The following ENOX2 variants were observed in gnomAD, a reference collection of about 807,000 sequenced individuals.
ENOX2 encodes the protein ecto-NOX disulfide-thiol exchanger 2.
In ENOX2, 36 loss-of-function variants were observed where a neutral mutation model predicts 45.0. The observed-to-expected ratio is 0.80, with a 90% confidence interval of 0.61 to 1.06. The LOEUF (loss-of-function observed/expected upper bound fraction) is 1.06, where lower values mean the gene tolerates loss of function less well. Among genes scored for constraint, ENOX2 ranks in the 50% least tolerant of loss-of-function variants. The pLI is 0.00. For synonymous variants in ENOX2, 174 were observed against 152.3 expected (o/e 1.14, Z -1.05); for missense variants, 423 against 462.5 (o/e 0.91, Z 0.78).
intron 3 of ENOX2, among the ~76,000 whole-genome samples, chrX:130,781,515 A>G (rs1394256554): frequency 8.9e-6 from 1 of 112,233 alleles, no homozygotes; most frequent in Non-Finnish European, 1.9e-5. Flanking sequence ...CACAATTCAG[A>G]TTAATACATA....
At chrX:130,743,396 G>A (rs1431613930) in intron 3 of ENOX2, among the ~76,000 whole-genome samples, 1 of 111,601 alleles carries the variant, frequency 9.0e-6, no homozygotes, top group Non-Finnish European at 1.9e-5. Context: ...GTTGTGATGG[G>A]CAAATAACAA....
At position 130,624,219 on chromosome X, in the gene ENOX2, C is replaced by T. The variant is rs2035487069; in HGVS notation, c.*1095G>A. ...ATTGCGATTTGCCGATGGGCACTAC[C>T]AAGGTGTCTCTGGCAATTCGCACTC... On this transcript the variant is annotated 3_prime_UTR_variant, in exon 15 of 15. Transcript: ENST00000394363. 2 of 112,141 alleles carry T rather than the reference C, an allele frequency of 1.8e-5. No homozygotes were observed. The highest frequency in any genetic ancestry group is 1.9e-5 in the Non-Finnish European group (1 of 53,286). The allele number at this position is 112,141 out of a possible 1,213,427, so 9.2% of individuals were successfully genotyped here. A position where few individuals can be genotyped will look rare whatever the true frequency, so the allele number is the denominator to read the frequency against.
intron 2 of ENOX2, among the ~76,000 whole-genome samples, chrX:130,810,070 C>T (rs755163045): frequency 2.4e-4 from 27 of 110,604 alleles, no homozygotes; most frequent in Non-Finnish European, 4.7e-4. Context: ...TTTTATACTA[C>T]CCACGTCAAT....
intron 3 of ENOX2, among the ~76,000 whole-genome samples, chrX:130,751,731 C>T (rs919480601): frequency 7.1e-5 from 8 of 112,224 alleles, no homozygotes; most frequent in Admixed American, 6.6e-4. Flanking sequence ...TTGATATTTT[C>T]TGTCTTTTAG....
chrX:130,795,972 CTAATA>C (rs1182777449), intron 2 of ENOX2, among the ~76,000 whole-genome samples: 1 of 109,867 alleles, frequency 9.1e-6, no homozygotes, highest in Non-Finnish European at 1.9e-5. Context: ...AGAGTTCATT[CTAATA>C]TGTGTGTGTG....
chrX:130,838,553 T>C (rs906565268), intron 2 of ENOX2, among the ~76,000 whole-genome samples: 1 of 111,962 alleles, frequency 8.9e-6, no homozygotes, highest in Non-Finnish European at 1.9e-5. Flanking sequence ...TTTTTTCTTT[T>C]CTAGACACTA....
intron 2 of ENOX2, among the ~76,000 whole-genome samples, chrX:130,836,820 A>G (rs2077935156): frequency 8.9e-6 from 1 of 112,118 alleles, no homozygotes; most frequent in African/African-American, 3.2e-5. Context: ...AAGAAAGGCA[A>G]AGAAAGGCTG....
At chrX:130,647,493 G>T (rs1373275953) in intron 10 of ENOX2, among the ~76,000 whole-genome samples, 1 of 111,452 alleles carries the variant, frequency 9.0e-6, no homozygotes, top group East Asian at 2.8e-4. Context: ...TAGGTTGCTG[G>T]TGTGCCCTGA....
intron 2 of ENOX2, among the ~76,000 whole-genome samples, chrX:130,828,154 T>TA (rs1426752777): frequency 9.0e-6 from 1 of 111,720 alleles, no homozygotes; most frequent in East Asian, 2.8e-4. Flanking sequence ...GCAAGAAAAA[T>TA]AGATATGAGC....
Position 130,624,693 on chromosome X carries a change from T to C in ENOX2, c.*621A>G, listed in dbSNP as rs1174803914. The C allele has an allele frequency of 8.9e-6, 1 of 112,939 alleles. No individual in the cohort carries two copies. Among genetic ancestry groups the C allele is most frequent in the African/African-American group, 3.2e-5 (1 of 31,090 alleles). The allele number at this position is 112,939 out of a possible 1,213,427, so 9.3% of individuals were successfully genotyped here. A position where few individuals can be genotyped will look rare whatever the true frequency, so the allele number is the denominator to read the frequency against. ...TCTGAAACAGATCTTTAATGTGATA[T>C]GTTAGAGAAAATAACTTTGGAACAT... is the stretch of plus-strand genomic sequence containing the variant. On this transcript the variant is annotated 3_prime_UTR_variant, in exon 15 of 15. Coordinates refer to ENST00000394363, the MANE Select transcript of ENOX2 (RefSeq NM_006375.4).
rs193162406 is a variant in ENOX2, at chrX:130,890,517, G to A, written c.-183+11167C>T. ...GAAGATTTCAAAGAACTAAGAACTT[G>A]AACCAAACCATGAACTTAAACGGGA... On this transcript the variant is annotated intron_variant, in intron 2 of 14. Coordinates refer to ENST00000394363, the MANE Select transcript of ENOX2 (RefSeq NM_006375.4). Among the ~76,000 whole-genome samples the A allele has an allele frequency of 2.7e-5, 3 of 112,183 alleles. No homozygotes were observed. The South Asian group carries it at 1.1e-3, about 41-fold the overall frequency.
At chrX:130,688,550 CGAAAA>C (rs1434618525) in intron 5 of ENOX2, among the ~76,000 whole-genome samples, 6 of 112,275 alleles carry the variant, frequency 5.3e-5, no homozygotes, top group Non-Finnish European at 1.1e-4. Context: ...GCGGCAGTTA[CGAAAA>C]GAAAAGACTG....
At chrX:130,762,869 T>A (rs2039525617) in intron 3 of ENOX2, among the ~76,000 whole-genome samples, 2 of 111,983 alleles carry the variant, frequency 1.8e-5, no homozygotes, top group Non-Finnish European at 3.8e-5. Flanking sequence ...TGAGTCCTGA[T>A]ACCCTTGTGG....
In ENOX2 at chrX:130,624,196, T is replaced by C. The variant is rs1055215174; in HGVS notation, c.*1118A>G. ...GAATGGTCCACTCACATGCTGCCAT[T>C]GCGATTTGCCGATGGGCACTACCAA... On this transcript the variant is annotated 3_prime_UTR_variant, in exon 15 of 15. Coordinates refer to ENST00000394363, the MANE Select transcript of ENOX2 (RefSeq NM_006375.4). 3.6e-5 allele frequency: 4 copies of C among 111,853 alleles called. No individual in the cohort carries two copies. Among genetic ancestry groups the C allele is most frequent in the African/African-American group, 1.3e-4 (4 of 30,810 alleles). 9.2% of individuals were successfully genotyped at this position (111,853 alleles called of 1,213,427 possible).
chrX:130,789,674 C>T (rs1387935319), intron 2 of ENOX2, among the ~76,000 whole-genome samples: 1 of 112,501 alleles, frequency 8.9e-6, no homozygotes, highest in East Asian at 2.7e-4. Flanking sequence ...TAACCTAATT[C>T]TTATTTTCCA....
At chrX:130,747,270 G>GT (rs771619855) in intron 3 of ENOX2, among the ~76,000 whole-genome samples, 56 of 104,733 alleles carry the variant, frequency 5.3e-4, no homozygotes, top group East Asian at 3.0e-3. Context: ...CTAAGTTTTT[G>GT]TTTTTTTTTT....
chrX:130,820,354 T>C (rs1191138839), intron 2 of ENOX2, among the ~76,000 whole-genome samples: 1 of 112,134 alleles, frequency 8.9e-6, no homozygotes, highest in East Asian at 2.8e-4. Flanking sequence ...GCTTGCACAT[T>C]GTTGGTGGTA....
chrX:130,899,405 G>A (rs1370025317), intron 2 of ENOX2, among the ~76,000 whole-genome samples: 1 of 111,929 alleles, frequency 8.9e-6, no homozygotes, highest in East Asian at 2.8e-4. Context: ...TGGGTATGGA[G>A]ATGAATGAAA....
intron 3 of ENOX2, among the ~76,000 whole-genome samples, chrX:130,722,169 T>G (rs1056398332): frequency 2.7e-5 from 3 of 111,785 alleles, no homozygotes; most frequent in Non-Finnish European, 5.6e-5. Context: ...TGTGGTAAAT[T>G]AGGAAGACAG....
Sources: gnomAD v4.1 joint callset for allele counts (sites outside exome capture counted in the v4.1 genomes callset) on GRCh38, gnomAD v4.1.1 for gene constraint, MANE v1.5 for transcripts, NCBI Gene and HGNC (gene_info 2026-07-23, HGNC 2026-07-21) for gene names.